The following STXBP3 variants were observed in gnomAD, a reference collection of about 807,000 sequenced individuals.
STXBP3 encodes the protein syntaxin binding protein 3, also known as syntaxin-binding protein 3.
In STXBP3, 41 loss-of-function variants were observed where a neutral mutation model predicts 85.7. The ratio of observed to expected loss-of-function variants is 0.48; its 90% CI spans 0.37 to 0.62. STXBP3 has a LOEUF of 0.62. Ranked by LOEUF, STXBP3 falls within the 20% of genes least tolerant of loss-of-function variation. The pLI, the probability that STXBP3 is intolerant of heterozygous loss-of-function variation, is 0.00. For missense variants in STXBP3, 563 were observed against 703.1 expected, an observed-to-expected ratio of 0.80 and a Z score of 2.25; for synonymous variants, 229 against 231.7, an observed-to-expected ratio of 0.99 and a Z score of 0.10.
Position 108,752,238 on chromosome 1 carries a change from T to G in STXBP3, c.50-19T>G. 1 of 1,599,920 alleles carries G rather than the reference T, an allele frequency of 6.3e-7. No individual in the cohort carries two copies. ...TCTGTTTATTTAATTCCTAAGTAAT[T>G]CCTTTCTTTTTTAAACAGAGATAAA... On this transcript the variant is annotated intron_variant, in intron 1 of 18. Transcript: ENST00000370008.
intron 9 of STXBP3, chr1:108,779,758 A>G (rs1284631107): frequency 1.3e-5 from 2 of 156,752 alleles, no homozygotes; most frequent in African/African-American, 4.8e-5. Flanking sequence ...TTGTTAGGCT[A>G]TAATTGTTCT....
Position 108,809,106 on chromosome 1 carries a change from A to G in STXBP3, c.*229A>G. The G allele has an allele frequency of 2.6e-6, 1 of 390,290 alleles. No homozygotes were observed. Among genetic ancestry groups the G allele is most frequent in the South Asian group, 3.3e-5 (1 of 30,514 alleles). 24.2% of individuals were successfully genotyped at this position (390,290 alleles called of 1,614,324 possible). A position where few individuals can be genotyped will look rare whatever the true frequency, so the allele number is the denominator to read the frequency against. On this transcript the variant is annotated 3_prime_UTR_variant, in exon 19 of 19. Transcript: ENST00000370008. The stretch of plus-strand genomic sequence containing the variant: ...GAGAAGAAATGTTAAAGTGCTTTCT[A>G]AAAGGAAATTTTTTCACCTTTGGAG...
intron 6 of STXBP3, among the ~76,000 whole-genome samples, chr1:108,769,970 G>T (rs1339542903): frequency 8.5e-5 from 13 of 152,276 alleles, no homozygotes; most frequent in Non-Finnish European, 1.5e-5. Flanking sequence ...TAAAGCTTCT[G>T]CTGGGAAGTG....
At chr1:108,800,627 A>C (rs1438385562) in intron 17 of STXBP3, among the ~76,000 whole-genome samples, 1 of 152,216 alleles carries the variant, frequency 6.6e-6, no homozygotes, top group Non-Finnish European at 1.5e-5. Context: ...GTTACAATGC[A>C]TACCCTTATG....
intron 1 of STXBP3, among the ~76,000 whole-genome samples, chr1:108,751,223 G>A (rs976445141): frequency 6.6e-6 from 1 of 152,104 alleles, no homozygotes; most frequent in Non-Finnish European, 1.5e-5. Flanking sequence ...CTGTATAGGG[G>A]CCCCTCACCC....
chr1:108,749,829 A>C (rs896241063), intron 1 of STXBP3, among the ~76,000 whole-genome samples: 2 of 152,218 alleles, frequency 1.3e-5, no homozygotes, highest in Non-Finnish European at 2.9e-5. Flanking sequence ...CTATCATTAG[A>C]AATTTAAAGC....
chr1:108,765,570 ATT>A (rs35813823), intron 6 of STXBP3, among the ~76,000 whole-genome samples: 2 of 67,170 alleles, frequency 3.0e-5, no homozygotes, highest in African/African-American at 1.2e-4. Context: ...CCACATGCTA[ATT>A]TTTTTTTTTT....
At chr1:108,800,332 A>C in intron 17 of STXBP3, 27 bp downstream of exon 17, 1 of 1,520,800 alleles carries the variant, frequency 6.6e-7, no homozygotes. Context: ...AAAATCAATG[A>C]AATTTTCATT....
intron 17 of STXBP3, among the ~76,000 whole-genome samples, chr1:108,805,484 G>T (rs1303248492): frequency 6.8e-6 from 1 of 147,622 alleles, no homozygotes; most frequent in African/African-American, 2.5e-5. Context: ...GAGTCCAGTG[G>T]TGTGATCTTG....
At chr1:108,750,938 TAAGGTCAAAA>T (rs965515520) in intron 1 of STXBP3, among the ~76,000 whole-genome samples, 54 of 152,254 alleles carry the variant, frequency 3.5e-4, no homozygotes, top group African/African-American at 1.3e-3. Flanking sequence ...GTACATAGGG[TAAGGTCAAAA>T]AAGGTCCTAA....
rs551645694 is a variant in STXBP3 at position 108,767,986 on chromosome 1, A to G, written c.439-4679A>G. Among the ~76,000 whole-genome samples the G allele has an allele frequency of 5.3e-5, 8 of 152,304 alleles. No individual in the cohort carries two copies. The South Asian group carries it at 1.7e-3, about 32-fold the overall frequency. On this transcript the variant is annotated intron_variant, in intron 6 of 18. Transcript: ENST00000370008. The stretch of plus-strand genomic sequence containing the variant: ...CTAAAATTGAGTCACATGGCTACAC[A>G]TAAGTGCATGGGAAACTGAGAAAAT...
chr1:108,780,714 C>T (rs1350343973), intron 9 of STXBP3: 1 of 151,044 alleles, frequency 6.6e-6, no homozygotes. Flanking sequence ...CAGCAGGAAG[C>T]TCTAAGTGTC....
At chr1:108,800,804 A>G (rs1277238) in intron 17 of STXBP3, among the ~76,000 whole-genome samples, 43,809 of 152,150 alleles carry the variant, frequency 0.29, 7,285 homozygotes, top group East Asian at 0.77. Flanking sequence ...GTCTTGAGTT[A>G]TATCTTGCAG....
chr1:108,775,693 A>G (rs573533920), intron 7 of STXBP3, among the ~76,000 whole-genome samples: 3 of 152,238 alleles, frequency 2.0e-5, no homozygotes, highest in South Asian at 2.1e-4. Context: ...TTCGCTTAAC[A>G]TGGTGACCGC....
At chr1:108,793,933 G>C (rs1480634868) in intron 12 of STXBP3, among the ~76,000 whole-genome samples, 1 of 152,122 alleles carries the variant, frequency 6.6e-6, no homozygotes, top group Non-Finnish European at 1.5e-5. Flanking sequence ...TTCAGCACTA[G>C]ATTGACTAGT....
At position 108,807,828 on chromosome 1, in the gene STXBP3, C is replaced by T. The variant is rs560218106; in HGVS notation, c.1684+279C>T. Among the ~76,000 whole-genome samples, 27 of 152,186 alleles carry T rather than the reference C, an allele frequency of 1.8e-4. No individual in the cohort carries two copies. The East Asian group carries it at 2.5e-3, about 14-fold the overall frequency. The stretch of plus-strand genomic sequence containing the variant: ...CTGACCTTAGGTGATCCGCCCGCCT[C>T]GGCCTCCCAAAGTGCTGGGATTACA... On this transcript the variant is annotated intron_variant, in intron 18 of 18. Coordinates refer to ENST00000370008, the MANE Select transcript of STXBP3 (RefSeq NM_007269.4).
chr1:108,805,340 TA>T (rs2101139677), intron 17 of STXBP3, among the ~76,000 whole-genome samples: 1 of 152,262 alleles, frequency 6.6e-6, no homozygotes, highest in East Asian at 1.9e-4. Context: ...TTTTAGTTTT[TA>T]AAATTTGTTT....
chr1:108,774,138 C>T (rs1026227230), intron 7 of STXBP3, among the ~76,000 whole-genome samples: 3 of 152,112 alleles, frequency 2.0e-5, no homozygotes, highest in Non-Finnish European at 4.4e-5. Context: ...CTTCTTTGCA[C>T]AACATTATTT....
At chr1:108,773,948 A>G (rs1662528405) in intron 7 of STXBP3, among the ~76,000 whole-genome samples, 1 of 152,068 alleles carries the variant, frequency 6.6e-6, no homozygotes, top group Non-Finnish European at 1.5e-5. Flanking sequence ...ATCTAACCCT[A>G]CCAAGGTCAA....
Sources: allele counts gnomAD v4.1 joint callset (sites outside exome capture counted in the v4.1 genomes callset), GRCh38; gene constraint gnomAD v4.1.1; transcripts MANE v1.5; gene names NCBI Gene and HGNC (gene_info 2026-07-23, HGNC 2026-07-21).